ACOX3: variants seen among roughly 807,000 people sequenced by gnomAD.
ACOX3 encodes the protein peroxisomal acyl-coenzyme A oxidase 3.
A neutral mutation model predicts 81.5 loss-of-function variants in ACOX3; 73 were observed. The ratio of observed to expected loss-of-function variants is 0.90; its 90% confidence interval spans 0.74 to 1.09. The LOEUF (loss-of-function observed/expected upper bound fraction) is 1.09. ACOX3 is among the 50% of genes least tolerant of loss of function. The pLI is 0.00. For synonymous variants in ACOX3, 387 were observed against 375.1 expected (o/e 1.03, Z -0.37); for missense variants, 947 against 928.0 (o/e 1.02, Z -0.27).
At position 8,419,894 on chromosome 4, in the gene ACOX3, T is replaced by A. The variant is rs1351321853; in HGVS notation, c.-14-3359A>T. 6.6e-6 allele frequency among the ~76,000 whole-genome samples: 1 copy of A among 152,184 alleles called. No homozygotes were observed. The highest frequency in any genetic ancestry group is 2.4e-5 in the African/African-American group (1 of 41,440). On this transcript the variant is annotated intron_variant, in intron 1 of 17. Coordinates refer to ENST00000356406, the MANE Select transcript of ACOX3 (RefSeq NM_003501.3). This position sits in a 1 kb window ranked among gnomAD's most constrained non-coding sequence, Gnocchi z 4.2. The stretch of plus-strand genomic sequence containing the variant: ...TGTCATGTTGGAATTCCCCTCTCCA[T>A]GCGCCATAACCTCAGTACATTACCA...
intron 1 of ACOX3, among the ~76,000 whole-genome samples, chr4:8,424,218 A>G (rs538796128): frequency 6.6e-6 from 1 of 152,378 alleles, no homozygotes; most frequent in African/African-American, 2.4e-5. Flanking sequence ...ACAGTGAAAT[A>G]GCCAGGCCAT....
In ACOX3 at chr4:8,389,393, G is replaced by A. The variant is rs543507124; in HGVS notation, c.1424-107C>T. The A allele has an allele frequency of 6.9e-6, 9 of 1,301,298 alleles. No homozygotes were observed. The highest frequency in any genetic ancestry group is 5.0e-5 in the East Asian group (2 of 39,918). 80.6% of individuals were successfully genotyped at this position (1,301,298 alleles called of 1,614,324 possible). A position where few individuals can be genotyped will look rare whatever the true frequency, so the allele number is the denominator to read the frequency against. On this transcript the variant is annotated intron_variant, in intron 12 of 17. Coordinates refer to ENST00000356406, the MANE Select transcript of ACOX3 (RefSeq NM_003501.3). This position sits in a 1 kb window ranked among gnomAD's most constrained non-coding sequence, Gnocchi z 5.3. The stretch of plus-strand genomic sequence containing the variant: ...ACAGAGAGTGTCCAGAGGACCCGAC[G>A]GCCACAGACCCACAGGCGAGGGTCT...
At chr4:8,396,149 G>A (rs1274735293) in intron 9 of ACOX3, among the ~76,000 whole-genome samples, 1 of 152,238 alleles carries the variant, frequency 6.6e-6, no homozygotes, top group Non-Finnish European at 1.5e-5. Flanking sequence ...CTGGGGACGT[G>A]TAGGGCCAAC....
In ACOX3 at chr4:8,414,381, T is replaced by C; in HGVS notation, c.454A>G (p.Ile152Val). 6.2e-7 allele frequency: 1 copy of C among 1,613,864 alleles called. No homozygotes were observed. Among genetic ancestry groups the C allele is most frequent in the South Asian group, 1.1e-5 (1 of 91,076 alleles). The change falls in exon 5 of 18, where the codon ATT (isoleucine) becomes GTT (valine). Residue 152 changes from isoleucine to valine, a missense_variant and splice_region_variant. Transcript: ENST00000356406. The surrounding 1 kb of genome is among the most constrained non-coding windows in gnomAD (Gnocchi z 6.1). ...TCGGTCAGAGCAAAACATCCAAAAATCTAAATGTCAAAGCACAAAATGATG... is the reference window on the plus strand; with the variant it reads ...TCGGTCAGAGCAAAACATCCAAAAACCTAAATGTCAAAGCACAAAATGATG... ...TYIQKIFRME[I>V]FGCFALTELS...
intron 6 of ACOX3, among the ~76,000 whole-genome samples, chr4:8,409,809 G>A (rs1300790147): frequency 6.8e-6 from 1 of 147,940 alleles, no homozygotes; most frequent in Admixed American, 6.7e-5. Flanking sequence ...GGAGCTGTCT[G>A]TGCACTGTGG....
At position 8,386,907 on chromosome 4, in the gene ACOX3, A is replaced by G. The variant is rs990208523; in HGVS notation, c.1537+2266T>C. ...CAAGGACACACGCTCGGGGGCTGCTATCACATCCACGGCGTCGGTCCTGAT... is the reference window on the plus strand; with the variant it reads ...CAAGGACACACGCTCGGGGGCTGCTGTCACATCCACGGCGTCGGTCCTGAT... On this transcript the variant is annotated intron_variant, in intron 13 of 17. Transcript: ENST00000356406. This position sits in a 1 kb window ranked among gnomAD's most constrained non-coding sequence, Gnocchi z 5.2. Among the ~76,000 whole-genome samples the G allele has an allele frequency of 2.0e-5, 3 of 152,224 alleles. No homozygotes were observed. Among genetic ancestry groups the G allele is most frequent in the African/African-American group, 7.2e-5 (3 of 41,456 alleles).
At chr4:8,363,123 G>T (rs188184331), downstream of ACOX3, among the ~76,000 whole-genome samples, 237 of 152,318 alleles carry the variant, frequency 1.6e-3, 1 homozygote, top group Non-Finnish European at 2.3e-3. Flanking sequence ...TCTGGCTGCT[G>T]CTCAGAAGAA....
At chr4:8,358,245 T>C in the ACOX3 span, 1 of 152,200 alleles carries the variant, frequency 6.6e-6, no homozygotes, top group South Asian at 2.1e-4. Context: ...CTTATTAGGC[T>C]TTTTCTGGAG....
chr4:8,363,204 G>T (rs1400973903), downstream of ACOX3, among the ~76,000 whole-genome samples: 1 of 152,200 alleles, frequency 6.6e-6, no homozygotes, highest in Non-Finnish European at 1.5e-5. Context: ...TCAGCTAACA[G>T]CCCCATGTCA....
rs1719787843 is a variant in ACOX3 at position 8,397,066 on chromosome 4, G to C, written c.927C>G (p.Val309=). ...TAAGGATGGCCAGGCTCACGATGGA[G>C]ACCCGGCCCGAGGACAGGCTCCCCA... ...ASLGSLSSGR[V]SIVSLAILNL... The change falls in exon 9 of 18, where the codon GTC becomes GTG. Residue 309 remains valine (V), a synonymous_variant. Coordinates refer to ENST00000356406, the MANE Select transcript of ACOX3 (RefSeq NM_003501.3). The C allele has an allele frequency of 6.2e-7, 1 of 1,600,098 alleles. No individual in the cohort carries two copies. Among genetic ancestry groups the C allele is most frequent in the African/African-American group, 1.3e-5 (1 of 74,198 alleles).
chr4:8,394,481 G>A lies in ACOX3; in HGVS notation c.1179+139C>T. 1 of 1,345,698 alleles carries A rather than the reference G, an allele frequency of 7.4e-7. No individual in the cohort carries two copies. The highest frequency in any genetic ancestry group is 9.9e-7 in the Non-Finnish European group (1 of 1,010,812). 83.4% of individuals were successfully genotyped at this position (1,345,698 alleles called of 1,614,324 possible). ...TCGCGGCAGAGGCCAAGAGCTCCGA[G>A]TGGGTGGGAACAACTGGAGGAATGC... On this transcript the variant is annotated intron_variant, in intron 10 of 17. Coordinates refer to ENST00000356406, the MANE Select transcript of ACOX3 (RefSeq NM_003501.3). The surrounding 1 kb of genome is among the most constrained non-coding windows in gnomAD (Gnocchi z 5.9).
At position 8,389,859 on chromosome 4, in the gene ACOX3, C is replaced by T. The variant is rs890929860; in HGVS notation, c.1301-125G>A. On this transcript the variant is annotated intron_variant, in intron 11 of 17. Coordinates refer to ENST00000356406, the MANE Select transcript of ACOX3 (RefSeq NM_003501.3). The surrounding 1 kb of genome is among the most constrained non-coding windows in gnomAD (Gnocchi z 5.3). ...GTGGCTCACACCTGTAATGGCAGCA[C>T]TTTGGGGGGCCGAGGCGGGTGGATC... 2.3e-6 allele frequency: 3 copies of T among 1,299,500 alleles called. No individual in the cohort carries two copies. The highest frequency in any genetic ancestry group is 3.2e-6 in the Non-Finnish European group (3 of 942,406). The allele number at this position is 1,299,500 out of a possible 1,614,324, so 80.5% of individuals were successfully genotyped here. A position where few individuals can be genotyped will look rare whatever the true frequency, so the allele number is the denominator to read the frequency against.
rs138472823 is a variant in ACOX3 at position 8,401,526 on chromosome 4, C to G, written c.777-1874G>C. On this transcript the variant is annotated intron_variant, in intron 7 of 17. Coordinates refer to ENST00000356406, the MANE Select transcript of ACOX3 (RefSeq NM_003501.3). ...AGCACCTCCATCCCTACTCAGCTCT[C>G]CTGGGCTGATTTCCTGCAGCAACCA... Among the ~76,000 whole-genome samples the G allele has an allele frequency of 5.4e-3, 819 of 152,280 alleles. 8 individuals are homozygous for G. Among genetic ancestry groups the G allele is most frequent in the African/African-American group, 0.019 (782 of 41,554 alleles).
At chr4:8,359,457 CCCCTCTCAGTAAGGT>C in the ACOX3 span, among the ~76,000 whole-genome samples, 2 of 152,168 alleles carry the variant, frequency 1.3e-5, no homozygotes, top group Admixed American at 6.6e-5. This position sits in a 1 kb window ranked among gnomAD's most constrained non-coding sequence, Gnocchi z 6.0. Context: ...GGGTTAGAGG[CCCCTCTCAGTAAGGT>C]CCCTCTCAGT....
At position 8,381,042 on chromosome 4, in the gene ACOX3, G is replaced by C. The variant is rs1341628314; in HGVS notation, c.1653+450C>G. On this transcript the variant is annotated intron_variant, in intron 14 of 17. Coordinates refer to ENST00000356406, the MANE Select transcript of ACOX3 (RefSeq NM_003501.3). This position sits in a 1 kb window ranked among gnomAD's most constrained non-coding sequence, Gnocchi z 4.3. ...CCTGTCCAAGTGTGAGAACCAAAGC[G>C]CTTTCCAAGGCCAACGATGACCCAC... 6.6e-6 allele frequency among the ~76,000 whole-genome samples: 1 copy of C among 152,190 alleles called. No individual in the cohort carries two copies. The highest frequency in any genetic ancestry group is 6.5e-5 in the Admixed American group (1 of 15,268).
At chr4:8,374,073 G>A (rs533483967) in intron 15 of ACOX3, 3 of 206,044 alleles carry the variant, frequency 1.5e-5, no homozygotes, top group Admixed American at 1.1e-4. Flanking sequence ...GGCACCTGCA[G>A]GGACTCAGAG....
intron 7 of ACOX3, among the ~76,000 whole-genome samples, chr4:8,402,061 G>C (rs996420285): frequency 6.6e-6 from 1 of 152,238 alleles, no homozygotes; most frequent in Non-Finnish European, 1.5e-5. Flanking sequence ...TAAGTGGCAT[G>C]GTATGAACAA....
At chr4:8,434,256 C>A (rs963843656) in intron 1 of ACOX3, among the ~76,000 whole-genome samples, 1 of 152,214 alleles carries the variant, frequency 6.6e-6, no homozygotes, top group Non-Finnish European at 1.5e-5. Flanking sequence ...TTAAACAGGC[C>A]AAGAATTTCT....
Position 8,392,397 on chromosome 4 carries a change from C to T in ACOX3, c.1236G>A (p.Ser412=), listed in dbSNP as rs151196972. 135 of 1,609,306 alleles carry T rather than the reference C, an allele frequency of 8.4e-5. No individual in the cohort carries two copies. In the East Asian group the frequency reaches 1.9e-3, roughly 23 times the overall value. The change falls in exon 11 of 18, where the codon TCG becomes TCA. Residue 412 remains serine (S), a synonymous_variant. Coordinates refer to ENST00000356406, the MANE Select transcript of ACOX3 (RefSeq NM_003501.3). ...ALASASKPLA[S]WTTQQGIQEC... is the part of the protein sequence containing the mutation. ...CCTGAATTCCTTGCTGGGTGGTCCA[C>T]GAGGCCAGGGGCTTGCTGGCCGATG...
Sources: allele counts gnomAD v4.1 joint callset (sites outside exome capture counted in the v4.1 genomes callset), GRCh38; gene constraint gnomAD v4.1.1; non-coding constraint Gnocchi (gnomAD v3.1); transcripts MANE v1.5; gene names NCBI Gene and HGNC (gene_info 2026-07-23, HGNC 2026-07-21).